Variants in CACNA1E observed in about 807,000 individuals in gnomAD.
CACNA1E encodes voltage-dependent R-type calcium channel subunit alpha-1E.
CACNA1E carries 40 observed loss-of-function variants against 259.2 expected under a neutral mutation model. The observed-to-expected ratio is 0.15, with a 90% CI of 0.12 to 0.20. The LOEUF (loss-of-function observed/expected upper bound fraction) is 0.20. CACNA1E is among the 10% of genes least tolerant of loss of function. The pLI is 1.00. For missense variants in CACNA1E, 1,874 were observed against 3,040.1 expected (o/e 0.62, Z 9.02); for synonymous variants, 1,104 against 1,138.5 (o/e 0.97, Z 0.61).
At chr1:181,462,739 TAA>T (rs980119372) in intron 2 of CACNA1E, among the ~76,000 whole-genome samples, 1 of 152,248 alleles carries the variant, frequency 6.6e-6, no homozygotes, top group African/African-American at 2.4e-5. Context: ...TTTTGAGTTT[TAA>T]AGTTTTATTT....
chr1:181,392,072 AGAATAT>A (rs1376499300), intron 1 of CACNA1E, among the ~76,000 whole-genome samples: 4 of 152,084 alleles, frequency 2.6e-5, no homozygotes, highest in African/African-American at 4.8e-5. Flanking sequence ...GGATAAGCAC[AGAATAT>A]TCTTAAGAGA....
intron 1 of CACNA1E, among the ~76,000 whole-genome samples, chr1:181,367,128 C>T (rs1262259462): frequency 1.3e-5 from 2 of 152,164 alleles, no homozygotes; most frequent in African/African-American, 4.8e-5. Context: ...TCTCCCATCC[C>T]TGGAGGTTGC....
chr1:181,401,884 C>A (rs535298342), intron 1 of CACNA1E, among the ~76,000 whole-genome samples: 2 of 152,322 alleles, frequency 1.3e-5, no homozygotes, highest in African/African-American at 4.8e-5. Context: ...AGTGGCCCAG[C>A]TCCCTAGAAT....
intron 3 of CACNA1E, among the ~76,000 whole-genome samples, chr1:181,515,611 T>G (rs1304939379): frequency 2.0e-5 from 3 of 152,210 alleles, no homozygotes; most frequent in African/African-American, 7.2e-5. Context: ...CTCAGGCAAT[T>G]TTTAAACACT....
At chr1:181,555,950 C>G (rs1648673829) in intron 3 of CACNA1E, among the ~76,000 whole-genome samples, 1 of 152,120 alleles carries the variant, frequency 6.6e-6, no homozygotes, top group East Asian at 1.9e-4. Flanking sequence ...ATTCTTTAAA[C>G]TCTATATAAA....
chr1:181,720,980 C>A, intron 15 of CACNA1E, 125 bp downstream of exon 15: 1 of 671,420 alleles, frequency 1.5e-6, no homozygotes, highest in Non-Finnish European at 2.6e-6. Flanking sequence ...GGGATTGAGG[C>A]ACTCTTTCTA....
At position 181,694,259 on chromosome 1, in the gene CACNA1E, A is replaced by G. The variant is rs559657504; in HGVS notation, c.1056-16695A>G. 3.3e-5 allele frequency among the ~76,000 whole-genome samples: 5 copies of G among 152,354 alleles called. No homozygotes were observed. In the South Asian group the frequency reaches 1.0e-3, roughly 32 times the overall value. ...TAGCAGTAAAAGAGGGAGAAAGCAT[A>G]CAGCACCTTAATATGTGCAAAAATA... On this transcript the variant is annotated intron_variant, in intron 7 of 47. Coordinates refer to ENST00000367573, the MANE Select transcript of CACNA1E (RefSeq NM_001205293.3).
chr1:181,536,623 T>G (rs952253564), intron 3 of CACNA1E, among the ~76,000 whole-genome samples: 6 of 152,216 alleles, frequency 3.9e-5, no homozygotes, highest in African/African-American at 1.4e-4. Flanking sequence ...TTCTTGATTG[T>G]AATATTATCT....
rs563867917 is a variant in CACNA1E at position 181,511,309 on chromosome 1, T to C, written c.373-62T>C. ...TCCAGGAAGGGCCAGGCTGTGCTTTTGCCTGTGTCTCATAAAGCACAGTCC... is the reference window on the plus strand; with the variant it reads ...TCCAGGAAGGGCCAGGCTGTGCTTTCGCCTGTGTCTCATAAAGCACAGTCC... On this transcript the variant is annotated intron_variant, in intron 2 of 47. Coordinates refer to ENST00000367573, the MANE Select transcript of CACNA1E (RefSeq NM_001205293.3). 7.6e-6 allele frequency: 12 copies of C among 1,589,054 alleles called. No homozygotes were observed. In the East Asian group the frequency reaches 1.6e-4, roughly 21 times the overall value.
intron 1 of CACNA1E, among the ~76,000 whole-genome samples, chr1:181,491,062 TTC>T (rs1480511272): frequency 6.6e-6 from 1 of 152,208 alleles, no homozygotes; most frequent in African/African-American, 2.4e-5. Flanking sequence ...CTTTCTCAAT[TTC>T]CACACCATTG....
At chr1:181,600,223 C>T (rs150676090) in intron 6 of CACNA1E, among the ~76,000 whole-genome samples, 24 of 152,240 alleles carry the variant, frequency 1.6e-4, no homozygotes, top group African/African-American at 5.8e-4. Context: ...CAGGGAGTGT[C>T]CAACAGGCCA....
exon 1 of CACNA1E, chr1:181,317,823 C>G (rs932798658): frequency 1.3e-5 from 2 of 152,172 alleles, no homozygotes; most frequent in African/African-American, 4.8e-5. Flanking sequence ...TGCGAGTTCT[C>G]TTTCTGATTG....
At chr1:181,412,732 T>C (rs1657948662) in intron 1 of CACNA1E, among the ~76,000 whole-genome samples, 1 of 152,152 alleles carries the variant, frequency 6.6e-6, no homozygotes. Flanking sequence ...CTGTCCGAGG[T>C]GGGGCTGAGA....
chr1:181,765,833 C>A (rs1183809386), intron 34 of CACNA1E, among the ~76,000 whole-genome samples: 3 of 152,220 alleles, frequency 2.0e-5, no homozygotes, highest in Non-Finnish European at 4.4e-5. Flanking sequence ...AAGGCCAGTT[C>A]CCTGCCTCAT....
At chr1:181,713,668 T>G (rs909683744) in intron 8 of CACNA1E, among the ~76,000 whole-genome samples, 1 of 152,174 alleles carries the variant, frequency 6.6e-6, no homozygotes, top group Non-Finnish European at 1.5e-5. Flanking sequence ...GGTCTGAAGC[T>G]AGCTTTCCCC....
intron 3 of CACNA1E, among the ~76,000 whole-genome samples, chr1:181,537,402 G>A (rs1179983575): frequency 6.6e-6 from 1 of 152,008 alleles, no homozygotes; most frequent in Admixed American, 6.6e-5. Flanking sequence ...CCTGGCCTGT[G>A]GTTTCTTTTT....
chr1:181,803,317 T>C lies in CACNA1E; in HGVS notation c.*4483T>C, dbSNP rs1662409142. 1 of 152,180 alleles carries C rather than the reference T, an allele frequency of 6.6e-6. No individual in the cohort carries two copies. Among genetic ancestry groups the C allele is most frequent in the Admixed American group, 6.5e-5 (1 of 15,284 alleles). 9.4% of individuals were successfully genotyped at this position (152,180 alleles called of 1,614,324 possible). A position where few individuals can be genotyped will look rare whatever the true frequency, so the allele number is the denominator to read the frequency against. On this transcript the variant is annotated 3_prime_UTR_variant, in exon 48 of 48. Coordinates refer to ENST00000367573, the MANE Select transcript of CACNA1E (RefSeq NM_001205293.3). ...ATGGTTTGACTCCAGAAATCAGGAA[T>C]CAGGTTCAGGTTTGGATAACTTCTC...
intron 45 of CACNA1E, among the ~76,000 whole-genome samples, chr1:181,793,995 G>A (rs1049116811): frequency 2.0e-5 from 3 of 152,078 alleles, no homozygotes; most frequent in South Asian, 2.1e-4. Flanking sequence ...ACAGCCCAGC[G>A]AACAAAATTG....
At chr1:181,482,959 T>G (rs1305192794), upstream of CACNA1E, among the ~76,000 whole-genome samples, 2 of 152,274 alleles carry the variant, frequency 1.3e-5, no homozygotes, top group Non-Finnish European at 2.9e-5. Flanking sequence ...CTGCTCAACT[T>G]CTAGCCCAAG....
Sources: allele counts gnomAD v4.1 joint callset (sites outside exome capture counted in the v4.1 genomes callset), GRCh38; gene constraint gnomAD v4.1.1; transcripts MANE v1.5; gene names NCBI Gene and HGNC (gene_info 2026-07-23, HGNC 2026-07-21).